NFIL3: variants seen among roughly 807,000 people sequenced by gnomAD.
NFIL3 encodes the protein nuclear factor interleukin-3-regulated protein.
In NFIL3, 5 loss-of-function variants were observed where a neutral mutation model predicts 10.0. That is an observed-to-expected ratio of 0.50 (90% confidence interval 0.26 to 1.06). The LOEUF is 1.06. Ranked by LOEUF, NFIL3 falls within the 50% of genes least tolerant of loss-of-function variation. The pLI, the probability that NFIL3 is intolerant of heterozygous loss-of-function variation, is 0.13. For missense variants in NFIL3, 436 were observed against 547.6 expected (o/e 0.80, Z 2.03); for synonymous variants, 202 against 206.5 (o/e 0.98, Z 0.19).
chr9:91,432,616 C>T, the NFIL3 span, among the ~76,000 whole-genome samples: 1 of 152,110 alleles, frequency 6.6e-6, no homozygotes, highest in Non-Finnish European at 1.5e-5. Flanking sequence ...ATTATGAAAA[C>T]TGTTGCTGAC....
rs1191612433 is a variant in NFIL3 at position 91,410,464 on chromosome 9, G to A, written c.271C>T (p.Arg91Cys). The A allele has an allele frequency of 1.2e-6, 2 of 1,614,056 alleles. No individual in the cohort carries two copies. Among genetic ancestry groups the A allele is most frequent in the Non-Finnish European group, 1.7e-6 (2 of 1,180,056 alleles). Reference sequence around the variant, plus strand: ...AGGTCATTCAGTCGACGCTTCTCACGAGATCTTTTGGCAGCTTCATTATTT... The same window carrying A: ...AGGTCATTCAGTCGACGCTTCTCACAAGATCTTTTGGCAGCTTCATTATTT... ...RKNNEAAKRS[R>C]EKRRLNDLVL... Residue 91 changes from arginine (R) to cysteine (C), a missense_variant, in exon 2 of 2, where the codon CGT (arginine) becomes TGT (cysteine). Physicochemically the swap from Arg to Cys is radical, Grantham distance 180. Around this residue, in one of 3 missense-constraint regions of NFIL3, gnomAD observed 22 missense variants for 74.7 expected, o/e 0.29. Transcript: ENST00000297689. This position sits in a 1 kb window ranked among gnomAD's most constrained non-coding sequence, Gnocchi z 5.7.
chr9:91,444,040 T>C, the NFIL3 span, among the ~76,000 whole-genome samples: 20,355 of 152,218 alleles, frequency 0.13, 1,512 homozygotes, highest in East Asian at 0.34. Flanking sequence ...TTTGTCTCTT[T>C]TCTTGAAAAT....
At chr9:91,414,311 C>A (rs1315467447) in intron 1 of NFIL3, among the ~76,000 whole-genome samples, 1 of 152,234 alleles carries the variant, frequency 6.6e-6, no homozygotes, top group East Asian at 1.9e-4. Context: ...CCAAGCAATT[C>A]TCCTGCCTCA....
upstream of NFIL3, among the ~76,000 whole-genome samples, chr9:91,424,226 C>T (rs999909028): frequency 3.3e-5 from 5 of 152,114 alleles, no homozygotes; most frequent in Non-Finnish European, 5.9e-5. Context: ...CCCTCCCGGT[C>T]GCCGCGGTGG....
chr9:91,482,120 T>G, the NFIL3 span, among the ~76,000 whole-genome samples: 1 of 152,138 alleles, frequency 6.6e-6, no homozygotes, highest in East Asian at 1.9e-4. Flanking sequence ...AAAGTTAAAA[T>G]GCGCATACCC....
the NFIL3 span, among the ~76,000 whole-genome samples, chr9:91,433,630 G>T: frequency 6.6e-6 from 1 of 152,150 alleles, no homozygotes; most frequent in African/African-American, 2.4e-5. Context: ...TGAGGGAAGC[G>T]TCAATATCAG....
At chr9:91,471,936 C>T in the NFIL3 span, among the ~76,000 whole-genome samples, 2 of 152,106 alleles carry the variant, frequency 1.3e-5, no homozygotes, top group African/African-American at 2.4e-5. Flanking sequence ...TTGTCTGTAA[C>T]AGATTTTATT....
chr9:91,410,654 G>T lies in NFIL3; in HGVS notation c.81C>A (p.Val27=), dbSNP rs769143873. ...ACACTTCCGTTAAAGCAGAATTAAG[G>T]ACCATCATCTTGTCCACATTGCTAC... is the stretch of plus-strand genomic sequence containing the variant. The part of the protein sequence containing the change: ...DASSNVDKMM[V]LNSALTEVSE... Residue 27 remains valine (V), a synonymous_variant, in exon 2 of 2, where the codon GTC becomes GTA. Transcript: ENST00000297689. The surrounding 1 kb of genome is among the most constrained non-coding windows in gnomAD (Gnocchi z 5.7). 5 of 1,614,098 alleles carry T rather than the reference G, an allele frequency of 3.1e-6. No individual in the cohort carries two copies. Among genetic ancestry groups the T allele is most frequent in the Non-Finnish European group, 4.2e-6 (5 of 1,180,028 alleles).
the NFIL3 span, among the ~76,000 whole-genome samples, chr9:91,467,422 A>G: frequency 6.6e-6 from 1 of 152,120 alleles, no homozygotes; most frequent in South Asian, 2.1e-4. Flanking sequence ...CTAATTGTTC[A>G]TTGTTGGTAT....
At chr9:91,456,554 G>A in the NFIL3 span, among the ~76,000 whole-genome samples, 1 of 151,980 alleles carries the variant, frequency 6.6e-6, no homozygotes, top group South Asian at 2.1e-4. Context: ...TTATTGGATT[G>A]CTTGTTTTCT....
At chr9:91,473,015 GC>G in the NFIL3 span, among the ~76,000 whole-genome samples, 3 of 152,302 alleles carry the variant, frequency 2.0e-5, no homozygotes, top group East Asian at 5.8e-4. Context: ...GACCCTGTTT[GC>G]CTGTGTATCA....
chr9:91,479,290 T>G, the NFIL3 span, among the ~76,000 whole-genome samples: 2 of 152,158 alleles, frequency 1.3e-5, no homozygotes, highest in Non-Finnish European at 2.9e-5. Context: ...GATGGGAGTT[T>G]TATCTGTAAG....
intron 1 of NFIL3, among the ~76,000 whole-genome samples, chr9:91,413,032 G>T (rs1438008411): frequency 6.6e-6 from 1 of 152,058 alleles, no homozygotes; most frequent in Non-Finnish European, 1.5e-5. Context: ...GGATCATAAA[G>T]AATAATGTTT....
chr9:91,436,243 G>A, the NFIL3 span, among the ~76,000 whole-genome samples: 1 of 152,186 alleles, frequency 6.6e-6, no homozygotes, highest in African/African-American at 2.4e-5. Flanking sequence ...GAAAGAGCCT[G>A]CATGATCTCC....
intron 1 of NFIL3, among the ~76,000 whole-genome samples, chr9:91,423,254 A>G (rs1344370540): frequency 1.3e-5 from 2 of 152,036 alleles, no homozygotes; most frequent in East Asian, 3.9e-4. Context: ...AACGAGAAAG[A>G]AAGACACTAG....
At chr9:91,422,337 T>G (rs1027201078) in intron 1 of NFIL3, among the ~76,000 whole-genome samples, 11 of 152,138 alleles carry the variant, frequency 7.2e-5, no homozygotes, top group African/African-American at 2.4e-4. Flanking sequence ...AGGCCACAAT[T>G]GTTAAAATGT....
In NFIL3 at chr9:91,423,671, A is replaced by G. The variant is rs1329639667; in HGVS notation, c.-204T>C. ...CCTGCTCTCGGGCCGGCGAGGAGAA[A>G]GAAAGGGGCGGCCGGGAGTCGGGCC... On this transcript the variant is annotated 5_prime_UTR_variant, in exon 1 of 2. Transcript: ENST00000297689. The G allele has an allele frequency of 1.4e-5, 2 of 144,628 alleles. No individual in the cohort carries two copies. The highest frequency in any genetic ancestry group is 5.0e-5 in the African/African-American group (2 of 40,364). 9.0% of individuals were successfully genotyped at this position (144,628 alleles called of 1,614,324 possible). A position where few individuals can be genotyped will look rare whatever the true frequency, so the allele number is the denominator to read the frequency against.
the NFIL3 span, among the ~76,000 whole-genome samples, chr9:91,437,343 A>G: frequency 2.0e-5 from 3 of 152,254 alleles, no homozygotes; most frequent in Admixed American, 6.5e-5. Flanking sequence ...AGGAATACAT[A>G]TATAACAAAA....
chr9:91,414,405 G>GTTAGTAGAGATGGGGT (rs1248198550), intron 1 of NFIL3, among the ~76,000 whole-genome samples: 2 of 152,160 alleles, frequency 1.3e-5, no homozygotes, highest in African/African-American at 2.4e-5. Context: ...GTTTCTCCAT[G>GTTAGTAGAGATGGGGT]TTAGTAGAGA....
Sources: gnomAD v4.1 joint callset for allele counts (sites outside exome capture counted in the v4.1 genomes callset) on GRCh38, gnomAD v4.1.1 for gene constraint, gnomAD v4.1.1 regional missense constraint, Gnocchi (gnomAD v3.1) non-coding constraint, MANE v1.5 for transcripts, NCBI Gene and HGNC (gene_info 2026-07-23, HGNC 2026-07-21) for gene names.